Variants in UNC45A observed in about 807,000 individuals in gnomAD.
UNC45A encodes protein unc-45 homolog A.
In UNC45A, 78 loss-of-function variants were observed where a neutral mutation model predicts 103.2. The ratio of observed to expected loss-of-function variants is 0.76; its 90% CI spans 0.63 to 0.91. The LOEUF is 0.91. Ranked by LOEUF, UNC45A falls within the 40% of genes least tolerant of loss-of-function variation. The pLI, the probability that UNC45A is intolerant of heterozygous loss-of-function variation, is 0.00. For missense variants in UNC45A, 1,193 were observed against 1,224.8 expected, an observed-to-expected ratio of 0.97 and a Z score of 0.39; for synonymous variants, 495 against 504.6, an observed-to-expected ratio of 0.98 and a Z score of 0.25.
chr15:90,935,603 CG>C lies in UNC45A; in HGVS notation c.116del (p.Gly39AlafsTer64). On this transcript the variant is annotated frameshift_variant, in exon 2 of 20. Transcript: ENST00000418476. LOFTEE classifies it high-confidence loss of function. ...GNELFKCGDYGGALAAYTQAL... is the reference protein window; with the variant it reads ...GNELFKCGDYXGALAAYTQAL... Reference sequence around the variant, plus strand: ...ATGAGCTGTTCAAATGTGGAGACTACGGGGGCGCCCTGGCGGCCTACACTCA... The same window carrying C: ...ATGAGCTGTTCAAATGTGGAGACTACGGGGCGCCCTGGCGGCCTACACTCA... 1 of 1,613,184 alleles carries C rather than the reference CG, an allele frequency of 6.2e-7. No individual in the cohort carries two copies. The highest frequency in any genetic ancestry group is 8.5e-7 in the Non-Finnish European group (1 of 1,179,638).
At chr15:90,939,599 C>G in intron 4 of UNC45A, 132 bp from the exon 5 acceptor site, 2 of 837,764 alleles carry the variant, frequency 2.4e-6, no homozygotes, top group Non-Finnish European at 3.8e-6. Context: ...CCCAGGGTAG[C>G]TAGGTGCTAG....
At chr15:90,934,800 C>T, upstream of UNC45A, 1 of 403,272 alleles carries the variant, frequency 2.5e-6, no homozygotes. Context: ...AATTCGTATG[C>T]AAATGTGTGT....
chr15:90,947,783 C>G lies in UNC45A; in HGVS notation c.1501-13C>G. 7.4e-6 allele frequency: 12 copies of G among 1,611,540 alleles called. No homozygotes were observed. The highest frequency in any genetic ancestry group is 9.3e-6 in the Non-Finnish European group (11 of 1,177,822). On this transcript the variant is annotated splice_polypyrimidine_tract_variant and intron_variant, in intron 10 of 19. Coordinates refer to ENST00000418476, the MANE Select transcript of UNC45A (RefSeq NM_018671.5). ...TTCCCCAGAGGCCAACTGGTCTTGC[C>G]CTCTTCCTCCAGGGACTCTGTAAGC...
At chr15:90,943,986 GTTTTTTTTTTTTTTT>G (rs953436599) in intron 8 of UNC45A, among the ~76,000 whole-genome samples, 5 of 78,320 alleles carry the variant, frequency 6.4e-5, no homozygotes, top group Admixed American at 2.0e-4. Flanking sequence ...ATTGTGCCCT[GTTTTTTTTTTTTTTT>G]TTTTTTTTTT....
rs1056947887 is a variant in UNC45A, at chr15:90,954,034, C to G, written c.*318C>G. On this transcript the variant is annotated 3_prime_UTR_variant, in exon 20 of 20. Transcript: ENST00000418476. ...CTGGAAGGGCGCACACATCAGCAGC[C>G]TCACCAGCTGTGAGCCTGCTATCAG... 1.8e-5 allele frequency: 7 copies of G among 388,572 alleles called. No homozygotes were observed. Among genetic ancestry groups the G allele is most frequent in the African/African-American group, 1.0e-4 (5 of 49,024 alleles). The allele number at this position is 388,572 out of a possible 1,614,324, so 24.1% of individuals were successfully genotyped here.
intron 3 of UNC45A, 89 bp downstream of exon 3, chr15:90,936,071 C>A: frequency 6.3e-7 from 1 of 1,583,742 alleles, no homozygotes; most frequent in Non-Finnish European, 8.6e-7. Flanking sequence ...CATTCTCCTC[C>A]TTTGGCCCCA....
chr15:90,949,885 C>G, intron 15 of UNC45A, 165 bp downstream of exon 15: 1 of 774,136 alleles, frequency 1.3e-6, no homozygotes, highest in East Asian at 2.7e-5. Flanking sequence ...CAGGCAAGCT[C>G]CTTGGCCCCT....
rs200394198 is a variant in UNC45A, at chr15:90,948,179, C to T, written c.1633C>T (p.Arg545Cys). The change falls in exon 12 of 20, where the codon CGC (arginine) becomes TGC (cysteine). Residue 545 changes from arginine to cysteine, a missense_variant. Arg to Cys is a radical substitution (Grantham distance 180). Coordinates refer to ENST00000418476, the MANE Select transcript of UNC45A (RefSeq NM_018671.5). ...CNDQIDAGTR[R>C]WAVEGLAYLT... ...TGACCAGATCGACGCAGGCACTCGGCGCTGGGCAGTGGAGGGCCTGGCTTA... is the reference window on the plus strand; with the variant it reads ...TGACCAGATCGACGCAGGCACTCGGTGCTGGGCAGTGGAGGGCCTGGCTTA... 776 of 1,614,032 alleles carry T rather than the reference C, an allele frequency of 4.8e-4. No individual in the cohort carries two copies. The highest frequency in any genetic ancestry group is 9.8e-4 in the Admixed American group (59 of 60,004).
chr15:90,933,011 A>T (rs1329731288), upstream of UNC45A: 1 of 153,870 alleles, frequency 6.5e-6, no homozygotes, highest in Non-Finnish European at 1.4e-5. Flanking sequence ...CAAGTGTTCT[A>T]AAAATAGTTC....
intron 11 of UNC45A, 36 bp from the exon 12 acceptor site, chr15:90,948,106 A>G (rs1413409147): frequency 5.0e-6 from 8 of 1,611,968 alleles, no homozygotes; most frequent in Non-Finnish European, 5.9e-6. Flanking sequence ...CGTACCCCCA[A>G]TCCTGAGGGT....
At chr15:90,931,355 C>T, upstream of UNC45A, 3 of 1,553,588 alleles carry the variant, frequency 1.9e-6, no homozygotes, top group Non-Finnish European at 2.6e-6. Flanking sequence ...AGCCCCTTCA[C>T]CACCTGCGCT....
At chr15:90,943,930 G>A (rs1455314525) in intron 8 of UNC45A, among the ~76,000 whole-genome samples, 1 of 147,218 alleles carries the variant, frequency 6.8e-6, no homozygotes, top group Non-Finnish European at 1.5e-5. Context: ...CTCAAACAAT[G>A]CACCCACCTT....
At chr15:90,938,386 A>G (rs1567149533) in intron 4 of UNC45A, among the ~76,000 whole-genome samples, 2 of 152,224 alleles carry the variant, frequency 1.3e-5, no homozygotes. Context: ...ACATGATGGC[A>G]GACACCTCAC....
chr15:90,939,623 C>T, intron 4 of UNC45A, 108 bp from the exon 5 acceptor site: 1 of 1,191,712 alleles, frequency 8.4e-7, no homozygotes, highest in Non-Finnish European at 1.2e-6. Flanking sequence ...TGAGCCTGGA[C>T]ATCTTTACTG....
upstream of UNC45A, chr15:90,934,914 C>A (rs1221882594): frequency 9.1e-6 from 4 of 441,616 alleles, no homozygotes; most frequent in East Asian, 1.1e-4. Context: ...CGGTCGGGGC[C>A]GGGATCCAGA....
At chr15:90,932,665 A>G (rs1215895408), upstream of UNC45A, 1 of 513,896 alleles carries the variant, frequency 1.9e-6, no homozygotes. Context: ...GGCCTGCCCC[A>G]GATGAATTCC....
chr15:90,947,860 C>G lies in UNC45A; in HGVS notation c.1565C>G (p.Ser522Cys), dbSNP rs1596234378. 1 of 1,614,058 alleles carries G rather than the reference C, an allele frequency of 6.2e-7. No individual in the cohort carries two copies. Among genetic ancestry groups the G allele is most frequent in the African/African-American group, 1.3e-5 (1 of 75,052 alleles). Residue 522 changes from serine (S) to cysteine (C), a missense_variant, in exon 11 of 20, where the codon TCC becomes TGC. Physicochemically the swap from Ser to Cys is moderately radical, Grantham distance 112. Transcript: ENST00000418476. The stretch of plus-strand genomic sequence containing the variant: ...AGCATGAAGCAGTTTGCTGAAGGCT[C>G]CACTCTCAAACTGGCTAAGCAGTGT... ...DFSMKQFAEG[S>C]TLKLAKQCRK... is the part of the protein sequence containing the mutation.
chr15:90,942,821 C>T (rs1394459965), intron 7 of UNC45A, 91 bp from the exon 8 acceptor site: 2 of 1,523,234 alleles, frequency 1.3e-6, no homozygotes, highest in Non-Finnish European at 1.8e-6. Context: ...ATCCCCCCTT[C>T]CCTGTGTCTC....
At chr15:90,948,310 C>G (rs1277311480) in intron 12 of UNC45A, 27 bp downstream of exon 12, 2 of 1,611,276 alleles carry the variant, frequency 1.2e-6, no homozygotes, top group Non-Finnish European at 1.7e-6. Flanking sequence ...TGCCGTCAGC[C>G]TGGGGACACT....
Sources: gnomAD v4.1 joint callset for allele counts (sites outside exome capture counted in the v4.1 genomes callset) on GRCh38, gnomAD v4.1.1 for gene constraint, MANE v1.5 for transcripts, NCBI Gene and HGNC (gene_info 2026-07-23, HGNC 2026-07-21) for gene names.